PCSK2: variants seen among roughly 807,000 people sequenced by gnomAD.
PCSK2 encodes the protein neuroendocrine convertase 2.
A neutral mutation model predicts 69.7 loss-of-function variants in PCSK2; 14 were observed. The observed-to-expected ratio is 0.20, with a 90% CI of 0.13 to 0.31. The LOEUF (loss-of-function observed/expected upper bound fraction) is 0.31. Ranked by LOEUF, PCSK2 falls within the 10% of genes least tolerant of loss-of-function variation. The pLI is 1.00. For missense variants in PCSK2, 544 were observed against 842.5 expected (o/e 0.65, Z 4.39); for synonymous variants, 307 against 320.7 (o/e 0.96, Z 0.46).
intron 5 of PCSK2, among the ~76,000 whole-genome samples, chr20:17,402,859 A>C (rs1346145014): frequency 6.6e-6 from 1 of 151,986 alleles, no homozygotes; most frequent in African/African-American, 2.4e-5. Flanking sequence ...CGGGAGGCTG[A>C]GGCGGGAGAA....
At chr20:17,441,023 C>T (rs149430103) in intron 8 of PCSK2, among the ~76,000 whole-genome samples, 11 of 152,182 alleles carry the variant, frequency 7.2e-5, no homozygotes, top group East Asian at 3.9e-4. Flanking sequence ...TCTGCGGTCA[C>T]GGGGCTAGGC....
At chr20:17,448,893 C>CTTTTTT (rs11468966) in intron 8 of PCSK2, among the ~76,000 whole-genome samples, 4 of 136,460 alleles carry the variant, frequency 2.9e-5, no homozygotes, top group Non-Finnish European at 1.6e-5. Context: ...ATGCACTTGC[C>CTTTTTT]TTTTTTTTTT....
intron 6 of PCSK2, among the ~76,000 whole-genome samples, chr20:17,421,232 A>G (rs2032119202): frequency 1.3e-5 from 2 of 152,246 alleles, no homozygotes; most frequent in Non-Finnish European, 2.9e-5. Flanking sequence ...AATGTCTAGC[A>G]TCTGGCCTCA....
intron 2 of PCSK2, among the ~76,000 whole-genome samples, chr20:17,278,443 C>G (rs1279263118): frequency 6.6e-6 from 1 of 152,070 alleles, no homozygotes; most frequent in Non-Finnish European, 1.5e-5. Flanking sequence ...AGCTGGAAAC[C>G]ATCATTCTCA....
chr20:17,237,021 G>GAAA (rs1382938821), intron 1 of PCSK2, among the ~76,000 whole-genome samples: 1 of 152,158 alleles, frequency 6.6e-6, no homozygotes, highest in African/African-American at 2.4e-5. Flanking sequence ...AGGCAAGTGG[G>GAAA]AAAGAATGGA....
At chr20:17,469,940 G>A (rs779575454) in intron 11 of PCSK2, among the ~76,000 whole-genome samples, 8 of 152,052 alleles carry the variant, frequency 5.3e-5, no homozygotes, top group Non-Finnish European at 1.2e-4. Context: ...CCACCTAGTG[G>A]GTGCTCCCAT....
intron 5 of PCSK2, among the ~76,000 whole-genome samples, chr20:17,393,762 TAAC>T (rs2031443110): frequency 6.6e-6 from 1 of 152,196 alleles, no homozygotes; most frequent in Non-Finnish European, 1.5e-5. Context: ...TTTCCTAAAA[TAAC>T]AACAAAATGC....
At position 17,227,534 on chromosome 20, in the gene PCSK2, G is replaced by T. The variant is rs756609959; in HGVS notation, c.177+52G>T. ...TTGTTTCAAAACGGGGGGACGGGGG[G>T]GCAGCCCTGCGCAATCTCATTGCAG... On this transcript the variant is annotated intron_variant, in intron 1 of 11. Coordinates refer to ENST00000262545, the MANE Select transcript of PCSK2 (RefSeq NM_002594.5). 3.5e-6 allele frequency: 5 copies of T among 1,437,436 alleles called. No homozygotes were observed. In the East Asian group the frequency reaches 6.9e-5, roughly 20 times the overall value. 89.0% of individuals were successfully genotyped at this position (1,437,436 alleles called of 1,614,324 possible). A position where few individuals can be genotyped will look rare whatever the true frequency, so the allele number is the denominator to read the frequency against.
intron 2 of PCSK2, among the ~76,000 whole-genome samples, chr20:17,327,302 A>T (rs75509733): frequency 6.6e-6 from 1 of 151,980 alleles, no homozygotes; most frequent in Non-Finnish European, 1.5e-5. Flanking sequence ...TGTGTCAATC[A>T]CATTCCTCCC....
rs34805695 is a variant in PCSK2 at position 17,294,098 on chromosome 20, C to CTTTT, written c.282+33775_282+33778dup. Reference sequence around the variant, plus strand: ...GTTGTAAACTTGTATAAAGTATTTTCTTTTTTTTTTTTTTTTTTTTTTTTG... The same window carrying CTTTT: ...GTTGTAAACTTGTATAAAGTATTTTCTTTTTTTTTTTTTTTTTTTTTTTTTTTTG... On this transcript the variant is annotated intron_variant, in intron 2 of 11. Coordinates refer to ENST00000262545, the MANE Select transcript of PCSK2 (RefSeq NM_002594.5). Among the ~76,000 whole-genome samples, 233 of 73,968 alleles carry CTTTT rather than the reference C, an allele frequency of 3.2e-3. 4 individuals are homozygous for CTTTT. Among genetic ancestry groups the CTTTT allele is most frequent in the African/African-American group, 4.3e-3 (81 of 18,782 alleles). The allele number at this position is 73,968 out of a possible 152,430, so 48.5% of individuals were successfully genotyped here. A position where few individuals can be genotyped will look rare whatever the true frequency, so the allele number is the denominator to read the frequency against.
chr20:17,276,610 C>T (rs1988089145), intron 2 of PCSK2, among the ~76,000 whole-genome samples: 1 of 152,078 alleles, frequency 6.6e-6, no homozygotes, highest in Admixed American at 6.6e-5. Flanking sequence ...ATACCAATAA[C>T]ATCCCTTCCT....
chr20:17,290,599 C>A (rs1295486975), intron 2 of PCSK2, among the ~76,000 whole-genome samples: 1 of 152,194 alleles, frequency 6.6e-6, no homozygotes, highest in African/African-American at 2.4e-5. Context: ...TCTCAAGAGA[C>A]AGTAGCACCT....
intron 6 of PCSK2, among the ~76,000 whole-genome samples, chr20:17,426,122 C>T (rs1215912835): frequency 6.6e-6 from 1 of 152,144 alleles, no homozygotes; most frequent in East Asian, 1.9e-4. Flanking sequence ...TTGTAATTGC[C>T]ATAATCCCCA....
Position 17,260,325 on chromosome 20 carries a change from A to G in PCSK2, c.263A>G (p.Gln88Arg). 1 of 1,612,506 alleles carries G rather than the reference A, an allele frequency of 6.2e-7. No individual in the cohort carries two copies. The highest frequency in any genetic ancestry group is 1.7e-5 in the Admixed American group (1 of 60,022). ...AGACGCAGCCTACACCACAAGCAGC[A>G]GCTGGAGAGAGACCCCAGGGTGAGT... ...KRRRSLHHKQQLERDPRVKMA... is the reference protein window; with the variant it reads ...KRRRSLHHKQRLERDPRVKMA... Residue 88 changes from glutamine (Q) to arginine (R), a missense_variant, in exon 2 of 12, where the codon CAG (glutamine) becomes CGG (arginine). By Grantham distance (43) the Gln-to-Arg change is conservative (BLOSUM62 1). Coordinates refer to ENST00000262545, the MANE Select transcript of PCSK2 (RefSeq NM_002594.5).
chr20:17,459,131 A>G (rs2032971959), intron 10 of PCSK2, among the ~76,000 whole-genome samples: 1 of 152,202 alleles, frequency 6.6e-6, no homozygotes, highest in Admixed American at 6.5e-5. Context: ...CGAGTATAGT[A>G]TATAGAAAGA....
Position 17,268,031 on chromosome 20 carries a change from G to GTATATA in PCSK2, c.282+7688_282+7689insATATAT, listed in dbSNP as rs750234336. ...AAGGAAATGCATTTATATATCCAATGTGTATATATATATATATATATATAT... is the reference window on the plus strand; with the variant it reads ...AAGGAAATGCATTTATATATCCAATGTATATATGTATATATATATATATATATATAT... On this transcript the variant is annotated intron_variant, in intron 2 of 11. Transcript: ENST00000262545. Among the ~76,000 whole-genome samples, 172 of 117,938 alleles carry GTATATA rather than the reference G, an allele frequency of 1.5e-3. 2 individuals carry two copies. The Middle Eastern group carries it at 0.016, about 11-fold the overall frequency. 77.4% of individuals were successfully genotyped at this position (117,938 alleles called of 152,430 possible).
At chr20:17,267,793 T>A (rs905815918) in intron 2 of PCSK2, among the ~76,000 whole-genome samples, 1 of 152,084 alleles carries the variant, frequency 6.6e-6, no homozygotes, top group African/African-American at 2.4e-5. Flanking sequence ...TTAACTTTCT[T>A]TGGGAGAATT....
intron 5 of PCSK2, among the ~76,000 whole-genome samples, chr20:17,373,499 G>A (rs2030835194): frequency 6.6e-6 from 1 of 152,210 alleles, no homozygotes; most frequent in Non-Finnish European, 1.5e-5. Flanking sequence ...GAGGGTTTCA[G>A]GCTGAAGGGG....
intron 2 of PCSK2, among the ~76,000 whole-genome samples, chr20:17,298,037 T>C (rs1988956118): frequency 6.6e-6 from 1 of 152,236 alleles, no homozygotes; most frequent in Non-Finnish European, 1.5e-5. Context: ...TTTTTATTGC[T>C]CTTTTCCTTC....
Sources: gnomAD v4.1 joint callset for allele counts (sites outside exome capture counted in the v4.1 genomes callset) on GRCh38, gnomAD v4.1.1 for gene constraint, MANE v1.5 for transcripts, NCBI Gene and HGNC (gene_info 2026-07-23, HGNC 2026-07-21) for gene names.